The following MEGF11 variants were observed in gnomAD, a reference collection of about 807,000 sequenced individuals.
MEGF11 encodes the protein multiple epidermal growth factor-like domains protein 11.
Under a neutral mutation model 146.6 loss-of-function variants are expected in MEGF11, and 126 were observed. The observed-to-expected ratio is 0.86, with a 90% confidence interval of 0.74 to 1.00. The LOEUF (loss-of-function observed/expected upper bound fraction) is 1.00, where lower values mean the gene tolerates loss of function less well. Among genes scored for constraint, MEGF11 ranks in the 50% least tolerant of loss-of-function variants. The pLI is 0.00. For missense variants in MEGF11, 1,509 were observed against 1,521.2 expected, an observed-to-expected ratio of 0.99 and a Z score of 0.13; for synonymous variants, 532 against 583.4, an observed-to-expected ratio of 0.91 and a Z score of 1.27.
rs140911541 is a variant in MEGF11, at chr15:65,982,681, G to T, written c.395-193C>A. 6.6e-6 allele frequency among the ~76,000 whole-genome samples: 1 copy of T among 152,152 alleles called. No homozygotes were observed. The highest frequency in any genetic ancestry group is 1.5e-5 in the Non-Finnish European group (1 of 68,032). On this transcript the variant is annotated intron_variant, in intron 5 of 25. Transcript: ENST00000395614. The surrounding 1 kb of genome is among the most constrained non-coding windows in gnomAD (Gnocchi z 5.6). The stretch of plus-strand genomic sequence containing the variant: ...CTTCCACCAAGCCATGCAAATAGTC[G>T]CACAGGCTAAGAAGGGCAGAGCGTT...
chr15:66,049,362 A>G (rs2084358827), intron 5 of MEGF11, among the ~76,000 whole-genome samples: 2 of 152,208 alleles, frequency 1.3e-5, no homozygotes, highest in African/African-American at 4.8e-5. Context: ...GTGACAAAGG[A>G]GAAAGGCTGG....
chr15:65,906,231 C>A, intron 23 of MEGF11, 90 bp from the exon 24 acceptor site: 1 of 866,614 alleles, frequency 1.2e-6, no homozygotes, highest in East Asian at 2.7e-5. Flanking sequence ...TGCTTTTCCC[C>A]CCCCTTCTCC....
intron 5 of MEGF11, among the ~76,000 whole-genome samples, chr15:66,025,013 G>A (rs1423054728): frequency 6.6e-6 from 1 of 152,128 alleles, no homozygotes; most frequent in Non-Finnish European, 1.5e-5. Context: ...GCCGTCAGGG[G>A]AAATCATCTG....
intron 24 of MEGF11, among the ~76,000 whole-genome samples, chr15:65,904,916 A>G (rs926862691): frequency 1.3e-5 from 2 of 152,160 alleles, no homozygotes; most frequent in African/African-American, 4.8e-5. Flanking sequence ...TTTCTGAGAC[A>G]GAGTCTTGTT....
At chr15:66,214,845 G>A (rs2091546729) in intron 1 of MEGF11, among the ~76,000 whole-genome samples, 1 of 152,118 alleles carries the variant, frequency 6.6e-6, no homozygotes, top group Non-Finnish European at 1.5e-5. Context: ...CCAGCTCAGA[G>A]CTGGAGAGAA....
intron 1 of MEGF11, among the ~76,000 whole-genome samples, chr15:66,138,807 G>C (rs140397675): frequency 7.2e-5 from 11 of 152,338 alleles, no homozygotes; most frequent in Non-Finnish European, 1.6e-4. Flanking sequence ...GTTATGAGAA[G>C]GGCCTGTGAA....
chr15:66,121,513 A>T (rs1475092480), intron 3 of MEGF11, among the ~76,000 whole-genome samples: 4 of 152,242 alleles, frequency 2.6e-5, no homozygotes, highest in Admixed American at 1.3e-4. Context: ...AAGCAGGCTG[A>T]TACTGGAGGC....
chr15:66,058,945 C>T (rs968331613), intron 5 of MEGF11, among the ~76,000 whole-genome samples: 7 of 152,160 alleles, frequency 4.6e-5, no homozygotes, highest in Non-Finnish European at 7.4e-5. Context: ...CCACCTCAGC[C>T]CCTTCACTGG....
rs1253321663 is a variant in MEGF11 at position 65,916,986 on chromosome 15, G to A, written c.2087-30C>T. ...GATGTCGGTGAAATGCAGAGGGTGA[G>A]GGGAAGGCAGAGAGGGGCAGACGGA... On this transcript the variant is annotated intron_variant, in intron 16 of 25. Coordinates refer to ENST00000395614, the MANE Select transcript of MEGF11 (RefSeq NM_001385028.1). The A allele has an allele frequency of 2.7e-6, 4 of 1,468,798 alleles. No homozygotes were observed. In the African/African-American group the frequency reaches 5.7e-5, roughly 21 times the overall value. 91.0% of individuals were successfully genotyped at this position (1,468,798 alleles called of 1,614,324 possible).
chr15:66,144,819 A>G (rs1003719855), intron 1 of MEGF11, among the ~76,000 whole-genome samples: 3 of 152,182 alleles, frequency 2.0e-5, no homozygotes, highest in Non-Finnish European at 2.9e-5. Context: ...ATCTGTAGAG[A>G]CAAACCTGTT....
chr15:65,981,025 A>G, intron 6 of MEGF11, 127 bp from the exon 7 acceptor site: 1 of 1,232,060 alleles, frequency 8.1e-7, no homozygotes, highest in Admixed American at 3.3e-5. Flanking sequence ...GCATCCGCTG[A>G]ACTGCAGTCC....
intron 5 of MEGF11, among the ~76,000 whole-genome samples, chr15:66,005,617 A>C (rs1013728925): frequency 6.6e-6 from 1 of 152,214 alleles, no homozygotes; most frequent in Non-Finnish European, 1.5e-5. Context: ...TGGGTAAACA[A>C]AAACCTTTTC....
intron 5 of MEGF11, among the ~76,000 whole-genome samples, chr15:65,984,504 C>T (rs1474157340): frequency 7.3e-5 from 8 of 110,014 alleles, no homozygotes; most frequent in Middle Eastern, 0.011. Context: ...CTAGCCTGGG[C>T]GATAGAGCAA....
chr15:65,989,406 C>T (rs1037545958), intron 5 of MEGF11, among the ~76,000 whole-genome samples: 1 of 152,232 alleles, frequency 6.6e-6, no homozygotes, highest in African/African-American at 2.4e-5. Context: ...AGGCCTGATG[C>T]AGTCACAGCC....
intron 8 of MEGF11, among the ~76,000 whole-genome samples, chr15:65,965,614 T>A: frequency 5.3e-5 from 1 of 18,948 alleles, no homozygotes; most frequent in East Asian, 6.1e-4. Context: ...TTTTTTTTTC[T>A]TTTTTTTTTT....
intron 5 of MEGF11, among the ~76,000 whole-genome samples, chr15:66,022,516 G>T (rs1375350346): frequency 6.6e-6 from 1 of 152,182 alleles, no homozygotes; most frequent in African/African-American, 2.4e-5. Context: ...CCCAGTGCAT[G>T]CACTCCAGGT....
chr15:65,910,735 T>C (rs2078775810), intron 21 of MEGF11, among the ~76,000 whole-genome samples: 1 of 152,196 alleles, frequency 6.6e-6, no homozygotes, highest in Non-Finnish European at 1.5e-5. Context: ...TGTAGGCTGA[T>C]GGTCATTCTC....
At chr15:66,023,495 C>A (rs1010757538) in intron 5 of MEGF11, among the ~76,000 whole-genome samples, 2 of 152,216 alleles carry the variant, frequency 1.3e-5, no homozygotes, top group African/African-American at 4.8e-5. Context: ...TCAGCCAAGG[C>A]TCCCTGCCAG....
chr15:66,014,839 C>G (rs2082831185), intron 5 of MEGF11, among the ~76,000 whole-genome samples: 1 of 152,096 alleles, frequency 6.6e-6, no homozygotes, highest in African/African-American at 2.4e-5. Context: ...GTCAGACAGC[C>G]CTCCCCAGAG....
Sources: gnomAD v4.1 joint callset for allele counts (sites outside exome capture counted in the v4.1 genomes callset) on GRCh38, gnomAD v4.1.1 for gene constraint, Gnocchi (gnomAD v3.1) non-coding constraint, MANE v1.5 for transcripts, NCBI Gene and HGNC (gene_info 2026-07-23, HGNC 2026-07-21) for gene names.